CAND1: variants seen among roughly 807,000 people sequenced by gnomAD.
CAND1 encodes the protein cullin-associated NEDD8-dissociated protein 1.
In CAND1, 7 loss-of-function variants were observed where a neutral mutation model predicts 108.5. The observed-to-expected ratio is 0.06, with a 90% CI of 0.04 to 0.12. The LOEUF (loss-of-function observed/expected upper bound fraction) is 0.12. Ranked by LOEUF, CAND1 falls within the 10% of genes least tolerant of loss-of-function variation. The pLI is 1.00. For missense variants in CAND1, 941 were observed against 1,448.7 expected, an observed-to-expected ratio of 0.65 and a Z score of 5.69; for synonymous variants, 534 against 512.0, an observed-to-expected ratio of 1.04 and a Z score of -0.58.
At chr12:67,311,862 C>A in intron 14 of CAND1, 62 bp downstream of exon 14, 2 of 934,900 alleles carry the variant, frequency 2.1e-6, no homozygotes, top group East Asian at 2.4e-5. Context: ...CTAGCCAATT[C>A]TTTTCTCTAG....
At chr12:67,287,504 C>G (rs2044682454) in intron 2 of CAND1, among the ~76,000 whole-genome samples, 2 of 152,032 alleles carry the variant, frequency 1.3e-5, no homozygotes, top group Non-Finnish European at 2.9e-5. Flanking sequence ...TTGTTAAAGT[C>G]GTTTTTGCTG....
chr12:67,310,928 T>A (rs1565730906), intron 13 of CAND1: 1 of 152,002 alleles, frequency 6.6e-6, no homozygotes, highest in Non-Finnish European at 1.5e-5. Flanking sequence ...TGCATATAAG[T>A]GTTCTTTGTT....
At chr12:67,307,265 G>T in intron 10 of CAND1, 132 bp from the exon 11 acceptor site, 1 of 656,986 alleles carries the variant, frequency 1.5e-6, no homozygotes. Flanking sequence ...TGTGCAATAA[G>T]AAATACCCTT....
chr12:67,279,714 T>G (rs913654057), intron 1 of CAND1, among the ~76,000 whole-genome samples: 1 of 152,122 alleles, frequency 6.6e-6, no homozygotes, highest in African/African-American at 2.4e-5. Flanking sequence ...TCCTGATTTC[T>G]TAGTCCAGAG....
chr12:67,285,278 T>C (rs2044659626), intron 2 of CAND1, among the ~76,000 whole-genome samples: 2 of 152,158 alleles, frequency 1.3e-5, no homozygotes, highest in Admixed American at 1.3e-4. Flanking sequence ...GATACAAAAA[T>C]GTACTTGAAC....
At chr12:67,282,629 T>C (rs976222238) in intron 2 of CAND1, among the ~76,000 whole-genome samples, 1 of 152,078 alleles carries the variant, frequency 6.6e-6, no homozygotes, top group Admixed American at 6.5e-5. Flanking sequence ...TGGGCTCAAG[T>C]GATCCTCCCA....
At chr12:67,277,196 T>C (rs1325443781) in intron 1 of CAND1, among the ~76,000 whole-genome samples, 1 of 152,232 alleles carries the variant, frequency 6.6e-6, no homozygotes, top group Non-Finnish European at 1.5e-5. Flanking sequence ...CTAGTTCTCA[T>C]TATTTGTAGT....
At position 67,313,396 on chromosome 12, in the gene CAND1, C is replaced by T. The variant is rs1289533352; in HGVS notation, c.*566C>T. On this transcript the variant is annotated 3_prime_UTR_variant, in exon 15 of 15. Transcript: ENST00000545606. Reference sequence around the variant, plus strand: ...TATCATTTTTAAGTATGAAAATTAACAATATCCCTGTTGCGCACACTAATT... The same window carrying T: ...TATCATTTTTAAGTATGAAAATTAATAATATCCCTGTTGCGCACACTAATT... 1 of 152,566 alleles carries T rather than the reference C, an allele frequency of 6.6e-6. No individual in the cohort carries two copies. The highest frequency in any genetic ancestry group is 2.4e-5 in the African/African-American group (1 of 41,448). 9.5% of individuals were successfully genotyped at this position (152,566 alleles called of 1,614,324 possible).
chr12:67,278,166 T>C (rs539671837), intron 1 of CAND1, among the ~76,000 whole-genome samples: 2 of 152,286 alleles, frequency 1.3e-5, no homozygotes, highest in East Asian at 1.9e-4. Context: ...AGACAGAGTG[T>C]CACTCTTTTG....
At position 67,313,884 on chromosome 12, in the gene CAND1, A is replaced by G. The variant is rs2044980746; in HGVS notation, c.*1054A>G. The G allele has an allele frequency of 6.6e-6, 1 of 152,478 alleles. No individual in the cohort carries two copies. The highest frequency in any genetic ancestry group is 1.5e-5 in the Non-Finnish European group (1 of 67,984). The allele number at this position is 152,478 out of a possible 1,614,324, so 9.4% of individuals were successfully genotyped here. On this transcript the variant is annotated 3_prime_UTR_variant, in exon 15 of 15. Transcript: ENST00000545606. The stretch of plus-strand genomic sequence containing the variant: ...CACAGGTTTGTTAGCTAATAATAGT[A>G]TTTTCTTTTAGTTGAGTTAGGTTTT...
In CAND1 at chr12:67,305,058, T is replaced by C. The variant is rs1398476874; in HGVS notation, c.1436-46T>C. On this transcript the variant is annotated intron_variant, in intron 9 of 14. Transcript: ENST00000545606. The surrounding 1 kb of genome is among the most constrained non-coding windows in gnomAD (Gnocchi z 4.4). ...GGGGTTGATTTTTAATTTTTCTTTC[T>C]TAAAAGTCTGCACAGCAATGATTGG... The C allele has an allele frequency of 2.6e-6, 4 of 1,516,660 alleles. No homozygotes were observed. Among genetic ancestry groups the C allele is most frequent in the Non-Finnish European group, 3.6e-6 (4 of 1,124,512 alleles). 94.0% of individuals were successfully genotyped at this position (1,516,660 alleles called of 1,614,324 possible). A position where few individuals can be genotyped will look rare whatever the true frequency, so the allele number is the denominator to read the frequency against.
chr12:67,310,205 G>A lies in CAND1; in HGVS notation c.3249G>A (p.Lys1083=). The A allele has an allele frequency of 6.2e-7, 1 of 1,613,054 alleles. No individual in the cohort carries two copies. Among genetic ancestry groups the A allele is most frequent in the Non-Finnish European group, 8.5e-7 (1 of 1,179,270 alleles). The stretch of plus-strand genomic sequence containing the variant: ...TTGATGATGGTCTGGATATTAGAAA[G>A]GCAGCATTTGAGTGTATGTACACAC... The part of the protein sequence containing the change: ...HTVDDGLDIR[K]AAFECMYTLL... Residue 1083 remains lysine (K), a synonymous_variant, in exon 13 of 15, where the codon AAG becomes AAA. Coordinates refer to ENST00000545606, the MANE Select transcript of CAND1 (RefSeq NM_018448.5).
At chr12:67,289,719 A>G (rs538994458) in intron 2 of CAND1, among the ~76,000 whole-genome samples, 1 of 152,166 alleles carries the variant, frequency 6.6e-6, no homozygotes, top group East Asian at 1.9e-4. Flanking sequence ...AGTTCCTTTT[A>G]ACTTCACTCC....
Position 67,269,524 on chromosome 12 carries a change from G to C in CAND1, c.-194G>C, listed in dbSNP as rs989937042. ...GCTCTGTAGCCTCGGCTTACCCCGG[G>C]ACAGGCCCACGCCTCGCCAGGGAGG... On this transcript the variant is annotated 5_prime_UTR_variant, in exon 1 of 15. Transcript: ENST00000545606. 173 of 560,866 alleles carry C rather than the reference G, an allele frequency of 3.1e-4. No homozygotes were observed. The highest frequency in any genetic ancestry group is 9.3e-4 in the Middle Eastern group (2 of 2,152). 34.7% of individuals were successfully genotyped at this position (560,866 alleles called of 1,614,324 possible). A position where few individuals can be genotyped will look rare whatever the true frequency, so the allele number is the denominator to read the frequency against.
At chr12:67,304,869 C>A (rs2044862852) in intron 9 of CAND1, 123 bp downstream of exon 9, 1 of 1,173,510 alleles carries the variant, frequency 8.5e-7, no homozygotes, top group Non-Finnish European at 1.2e-6. Flanking sequence ...GCACATAGAG[C>A]TAACTTTTTA....
At position 67,275,947 on chromosome 12, in the gene CAND1, C is replaced by T. The variant is rs75365091; in HGVS notation, c.69-5963C>T. On this transcript the variant is annotated intron_variant, in intron 1 of 14. Coordinates refer to ENST00000545606, the MANE Select transcript of CAND1 (RefSeq NM_018448.5). ...GTAAACATTTATCTTTTTCTTTTCC[C>T]GTCTTAATGCCTTCTTTATCCTTAT... Among the ~76,000 whole-genome samples, 406 of 152,232 alleles carry T rather than the reference C, an allele frequency of 2.7e-3. 1 individual carries two copies. The highest frequency in any genetic ancestry group is 9.5e-3 in the African/African-American group (395 of 41,542).
At chr12:67,307,846 G>A (rs2044904518) in intron 11 of CAND1, among the ~76,000 whole-genome samples, 1 of 151,762 alleles carries the variant, frequency 6.6e-6, no homozygotes. Context: ...ATTTAAATGA[G>A]TCTTGCTTGA....
intron 1 of CAND1, among the ~76,000 whole-genome samples, chr12:67,281,385 G>T (rs116534151): frequency 0.014 from 2,147 of 152,114 alleles, 37 homozygotes; most frequent in African/African-American, 0.049. Flanking sequence ...TGGGTATTTT[G>T]GAAAATTTCC....
At chr12:67,276,694 C>T (rs1310669895) in intron 1 of CAND1, among the ~76,000 whole-genome samples, 2 of 152,164 alleles carry the variant, frequency 1.3e-5, no homozygotes, top group African/African-American at 4.8e-5. Flanking sequence ...AATGGATGTT[C>T]TGTGAGATTG....
Sources: gnomAD v4.1 joint callset for allele counts (sites outside exome capture counted in the v4.1 genomes callset) on GRCh38, gnomAD v4.1.1 for gene constraint, Gnocchi (gnomAD v3.1) non-coding constraint, MANE v1.5 for transcripts, NCBI Gene and HGNC (gene_info 2026-07-23, HGNC 2026-07-21) for gene names.